Variants in UBXN7 observed in about 807,000 individuals in gnomAD.
UBXN7 encodes UBX domain protein 7, also known as UBX domain-containing protein 7.
UBXN7 carries 9 observed loss-of-function variants against 58.0 expected under a neutral mutation model. The ratio of observed to expected loss-of-function variants is 0.16; its 90% CI spans 0.09 to 0.27. The LOEUF is 0.27. Among genes scored for constraint, UBXN7 ranks in the 10% least tolerant of loss-of-function variants. The probability of loss-of-function intolerance (pLI) is 1.00; values close to 1 mark genes in which losing one functional copy is unlikely to be tolerated. For missense variants in UBXN7, 328 were observed against 599.6 expected, an observed-to-expected ratio of 0.55 and a Z score of 4.73; for synonymous variants, 208 against 205.0, an observed-to-expected ratio of 1.01 and a Z score of -0.12.
intron 5 of UBXN7, among the ~76,000 whole-genome samples, chr3:196,383,688 CCTGAATGACTA>C (rs778909511): frequency 3.3e-5 from 5 of 152,174 alleles, no homozygotes; most frequent in South Asian, 2.1e-4. Flanking sequence ...ACAACCTGCT[CCTGAATGACTA>C]CTGGGCACAT....
At chr3:196,401,540 C>G (rs1019030873) in intron 3 of UBXN7, among the ~76,000 whole-genome samples, 6 of 149,536 alleles carry the variant, frequency 4.0e-5, no homozygotes, top group Non-Finnish European at 8.9e-5. Flanking sequence ...AAGCCAAATA[C>G]CGGACGTTCT....
chr3:196,395,415 G>A (rs1180854703), intron 3 of UBXN7, among the ~76,000 whole-genome samples: 2 of 152,058 alleles, frequency 1.3e-5, no homozygotes, highest in Non-Finnish European at 2.9e-5. Context: ...TCATCTCTGG[G>A]AAAAGAGATT....
chr3:196,367,919 T>C (rs1483388260), intron 8 of UBXN7, 109 bp downstream of exon 8: 4 of 1,433,660 alleles, frequency 2.8e-6, no homozygotes, highest in East Asian at 2.3e-5. Context: ...ACAGTGATAG[T>C]TGTCCACTAG....
chr3:196,425,300 T>C (rs533208094), intron 1 of UBXN7, among the ~76,000 whole-genome samples: 58 of 152,206 alleles, frequency 3.8e-4, no homozygotes, highest in African/African-American at 1.4e-3. Context: ...AGGACACCAC[T>C]ATCTTTCTTG....
In UBXN7 at chr3:196,371,950, C is replaced by A; in HGVS notation, c.561G>T (p.Val187=). ...DFACQCLNRD[V]WSNEAVKNII... ...TATTCTTCACAGCTTCGTTGCTCCA[C>A]ACATCGCGGTTGAGGCACTGACATG... is the stretch of plus-strand genomic sequence containing the variant. The change falls in exon 6 of 11, where the codon GTG becomes GTT. Residue 187 remains valine, a synonymous_variant. Transcript: ENST00000296328. 1 of 1,613,918 alleles carries A rather than the reference C, an allele frequency of 6.2e-7. No homozygotes were observed. The highest frequency in any genetic ancestry group is 1.3e-5 in the African/African-American group (1 of 75,038).
intron 3 of UBXN7, chr3:196,400,764 G>C: frequency 2.8e-6 from 1 of 354,368 alleles, no homozygotes; most frequent in Non-Finnish European, 5.4e-6. Context: ...AAAGAGTAAA[G>C]TGGGGCTTCC....
Position 196,368,085 on chromosome 3 carries a change from A to G in UBXN7, c.777T>C (p.Gly259=). The change falls in exon 8 of 11, where the codon GGT becomes GGC. Residue 259 remains glycine (G), a synonymous_variant. Transcript: ENST00000296328. Reference sequence around the variant, plus strand: ...AAAGTCCATCCAGTTGTCCATGTTCACCCAGAAATCCCGTCACTTGGTCCA... The same window carrying G: ...AAAGTCCATCCAGTTGTCCATGTTCGCCCAGAAATCCCGTCACTTGGTCCA... ...SFLDQVTGFL[G]EHGQLDGLSS... 1 of 1,614,130 alleles carries G rather than the reference A, an allele frequency of 6.2e-7. No individual in the cohort carries two copies. Among genetic ancestry groups the G allele is most frequent in the Non-Finnish European group, 8.5e-7 (1 of 1,179,994 alleles).
intron 5 of UBXN7, among the ~76,000 whole-genome samples, chr3:196,384,600 C>T (rs1335557000): frequency 2.0e-5 from 3 of 152,164 alleles, no homozygotes; most frequent in Non-Finnish European, 4.4e-5. Flanking sequence ...AGCTTATCCA[C>T]CATGATCAAG....
chr3:196,382,245 G>T (rs1202832528), intron 5 of UBXN7, among the ~76,000 whole-genome samples: 11 of 152,126 alleles, frequency 7.2e-5, no homozygotes, highest in Admixed American at 7.2e-4. Flanking sequence ...AGAGAGAAAG[G>T]TCAAGTTACC....
In UBXN7 at chr3:196,368,891, C is replaced by T. The variant is rs556584575; in HGVS notation, c.706+530G>A. Among the ~76,000 whole-genome samples, 15 of 152,188 alleles carry T rather than the reference C, an allele frequency of 9.9e-5. 1 individual carries two copies. The East Asian group carries it at 1.5e-3, about 16-fold the overall frequency. ...AGGCTGGAGTGCAGTGGCGCGATCT[C>T]GGCTCACTGCAACCTCCACCTCCCG... On this transcript the variant is annotated intron_variant, in intron 7 of 10. Coordinates refer to ENST00000296328, the MANE Select transcript of UBXN7 (RefSeq NM_015562.2).
chr3:196,397,217 C>T (rs756952282), intron 3 of UBXN7, among the ~76,000 whole-genome samples: 2 of 152,172 alleles, frequency 1.3e-5, no homozygotes, highest in African/African-American at 2.4e-5. Context: ...GTACTGGTCA[C>T]TGAAGCCAAA....
intron 8 of UBXN7, among the ~76,000 whole-genome samples, chr3:196,367,166 G>A (rs778441666): frequency 9.6e-5 from 14 of 146,228 alleles, no homozygotes; most frequent in Non-Finnish European, 9.0e-5. Flanking sequence ...CCTAGCAACA[G>A]AACAAGACTC....
At chr3:196,407,950 T>G (rs1044246396) in intron 1 of UBXN7, among the ~76,000 whole-genome samples, 1 of 151,226 alleles carries the variant, frequency 6.6e-6, no homozygotes, top group African/African-American at 2.4e-5. Flanking sequence ...ACACAAAAAT[T>G]TGCCAGGCAT....
Position 196,353,398 on chromosome 3 carries a change from T to C in UBXN7, c.*3287A>G, listed in dbSNP as rs1220200384. On this transcript the variant is annotated 3_prime_UTR_variant, in exon 11 of 11. Coordinates refer to ENST00000296328, the MANE Select transcript of UBXN7 (RefSeq NM_015562.2). ...TTCCTGTTCTTTTCTCATTTGGCACTGTTGTTTTCTCTTCTCCAGTTCCTT... is the reference window on the plus strand; with the variant it reads ...TTCCTGTTCTTTTCTCATTTGGCACCGTTGTTTTCTCTTCTCCAGTTCCTT... 6.6e-6 allele frequency: 1 copy of C among 152,208 alleles called. No individual in the cohort carries two copies. Among genetic ancestry groups the C allele is most frequent in the Non-Finnish European group, 1.5e-5 (1 of 68,036 alleles). 9.4% of individuals were successfully genotyped at this position (152,208 alleles called of 1,614,324 possible). A position where few individuals can be genotyped will look rare whatever the true frequency, so the allele number is the denominator to read the frequency against.
chr3:196,396,280 C>T (rs968469010), intron 3 of UBXN7, among the ~76,000 whole-genome samples: 3 of 151,882 alleles, frequency 2.0e-5, no homozygotes, highest in African/African-American at 7.3e-5. Context: ...AGTTATCTGG[C>T]CCTGGTGCAG....
intron 3 of UBXN7, among the ~76,000 whole-genome samples, chr3:196,394,004 A>G (rs945532219): frequency 6.6e-6 from 1 of 152,198 alleles, no homozygotes; most frequent in Non-Finnish European, 1.5e-5. Context: ...AAAGTTTACT[A>G]TCGGCTGGGC....
chr3:196,350,466 GA>G lies in UBXN7; in HGVS notation c.*6218del, dbSNP rs1728183254. 6.6e-6 allele frequency: 1 copy of G among 152,128 alleles called. No homozygotes were observed. The highest frequency in any genetic ancestry group is 1.5e-5 in the Non-Finnish European group (1 of 68,004). 9.4% of individuals were successfully genotyped at this position (152,128 alleles called of 1,614,324 possible). A position where few individuals can be genotyped will look rare whatever the true frequency, so the allele number is the denominator to read the frequency against. ...GAAGATTGTTACATATTAAGACTTT[GA>G]AATGGAATTTCTTAAACATAGCCAA... On this transcript the variant is annotated 3_prime_UTR_variant, in exon 11 of 11. Coordinates refer to ENST00000296328, the MANE Select transcript of UBXN7 (RefSeq NM_015562.2).
At chr3:196,375,542 G>A (rs895472401) in intron 5 of UBXN7, among the ~76,000 whole-genome samples, 3 of 152,172 alleles carry the variant, frequency 2.0e-5, no homozygotes, top group African/African-American at 7.2e-5. Context: ...ATCAAGGACT[G>A]GAGGTGAGAG....
At chr3:196,381,750 T>C (rs189673584) in intron 5 of UBXN7, among the ~76,000 whole-genome samples, 91 of 152,274 alleles carry the variant, frequency 6.0e-4, no homozygotes, top group African/African-American at 1.7e-3. Flanking sequence ...GAAAAAAGAT[T>C]AGATGAATTG....
Sources: gnomAD v4.1 joint callset for allele counts (sites outside exome capture counted in the v4.1 genomes callset) on GRCh38, gnomAD v4.1.1 for gene constraint, MANE v1.5 for transcripts, NCBI Gene and HGNC (gene_info 2026-07-23, HGNC 2026-07-21) for gene names.